Variants in SLC67A2 observed in about 807,000 individuals in gnomAD.
SLC67A2 encodes solute carrier family 67 member 2, also known as solute carrier family 67 member A2.
At chr2:102,726,689 G>A in the SLC67A2 span, among the ~76,000 whole-genome samples, 1 of 151,904 alleles carries the variant, frequency 6.6e-6, no homozygotes, top group Non-Finnish European at 1.5e-5. Context: ...AAGCCTCAGA[G>A]ACTTGCCAGG....
chr2:102,729,819 T>C, the SLC67A2 span, among the ~76,000 whole-genome samples: 6 of 152,226 alleles, frequency 3.9e-5, no homozygotes, highest in African/African-American at 1.4e-4. Flanking sequence ...AAACTATTAT[T>C]GTAATGGAAA....
At chr2:102,727,774 T>C in the SLC67A2 span, among the ~76,000 whole-genome samples, 42 of 152,334 alleles carry the variant, frequency 2.8e-4, 2 homozygotes, top group South Asian at 8.7e-3. Flanking sequence ...TAATCCCATA[T>C]ATACTGTAAT....
At chr2:102,725,294 T>A in the SLC67A2 span, among the ~76,000 whole-genome samples, 1 of 152,118 alleles carries the variant, frequency 6.6e-6, no homozygotes, top group Non-Finnish European at 1.5e-5. Context: ...ACTGTGGAGG[T>A]TACATGGGCA....
chr2:102,727,244 G>C, the SLC67A2 span, among the ~76,000 whole-genome samples: 4 of 151,922 alleles, frequency 2.6e-5, no homozygotes, highest in Non-Finnish European at 5.9e-5. Flanking sequence ...AGGCAGGAGA[G>C]ATGATAAAGT....
the SLC67A2 span, chr2:102,736,602 G>C: frequency 6.2e-7 from 1 of 1,613,312 alleles, no homozygotes; most frequent in South Asian, 1.1e-5. Flanking sequence ...CCCCAGGCCC[G>C]AACACAGTCA....
At chr2:102,727,062 A>G in the SLC67A2 span, 3 of 1,447,940 alleles carry the variant, frequency 2.1e-6, no homozygotes, top group Non-Finnish European at 2.8e-6. Flanking sequence ...ACCAGGGGAA[A>G]ACAATGGAAG....
At chr2:102,727,987 A>T in the SLC67A2 span, among the ~76,000 whole-genome samples, 1 of 152,210 alleles carries the variant, frequency 6.6e-6, no homozygotes, top group East Asian at 1.9e-4. Context: ...TAGAATTCCC[A>T]CATTTGGGAA....
chr2:102,736,046 A>G, the SLC67A2 span, among the ~76,000 whole-genome samples: 1 of 152,142 alleles, frequency 6.6e-6, no homozygotes, highest in South Asian at 2.1e-4. Context: ...GTCTGGTAAA[A>G]AAGCAAACCA....
chr2:102,726,687 G>A, the SLC67A2 span, among the ~76,000 whole-genome samples: 1 of 152,032 alleles, frequency 6.6e-6, no homozygotes, highest in East Asian at 1.9e-4. Flanking sequence ...GGAAGCCTCA[G>A]AGACTTGCCA....
At chr2:102,736,109 G>C in the SLC67A2 span, among the ~76,000 whole-genome samples, 2 of 152,150 alleles carry the variant, frequency 1.3e-5, no homozygotes, top group Admixed American at 6.5e-5. Flanking sequence ...TGCGCAGTTT[G>C]TCGAAAGGCA....
chr2:102,731,199 A>C, the SLC67A2 span: 33 of 600,516 alleles, frequency 5.5e-5, no homozygotes, highest in Middle Eastern at 4.8e-4. Context: ...AAATTATCTC[A>C]CATCTTTTTT....
the SLC67A2 span, among the ~76,000 whole-genome samples, chr2:102,735,234 T>A: frequency 6.6e-6 from 1 of 152,168 alleles, no homozygotes; most frequent in African/African-American, 2.4e-5. Flanking sequence ...GGAGGGTGGA[T>A]CCTGCAATGG....
At chr2:102,736,014 C>T in the SLC67A2 span, among the ~76,000 whole-genome samples, 8 of 152,018 alleles carry the variant, frequency 5.3e-5, no homozygotes, top group Non-Finnish European at 1.2e-4. Context: ...GTGGGGTCAT[C>T]AACAGCGGCT....
chr2:102,719,154 C>G, the SLC67A2 span: 2 of 1,614,132 alleles, frequency 1.2e-6, no homozygotes, highest in African/African-American at 2.7e-5. Flanking sequence ...AATGGCAGGC[C>G]CTTCTCTGTA....
At chr2:102,715,500 G>A in the SLC67A2 span, among the ~76,000 whole-genome samples, 1 of 152,058 alleles carries the variant, frequency 6.6e-6, no homozygotes, top group African/African-American at 2.4e-5. Flanking sequence ...AGCCTTGCAG[G>A]TGACTCCTGT....
At chr2:102,728,748 A>G in the SLC67A2 span, among the ~76,000 whole-genome samples, 2 of 152,148 alleles carry the variant, frequency 1.3e-5, no homozygotes, top group East Asian at 1.9e-4. Flanking sequence ...TCCTTCCACC[A>G]TGACCTCGGA....
chr2:102,721,017 C>A, the SLC67A2 span, among the ~76,000 whole-genome samples: 14 of 152,156 alleles, frequency 9.2e-5, no homozygotes, highest in Non-Finnish European at 1.6e-4. Flanking sequence ...TTGGCCCCAG[C>A]CTGCCTATCC....
At chr2:102,732,205 C>T in the SLC67A2 span, 1 of 927,754 alleles carries the variant, frequency 1.1e-6, no homozygotes. Context: ...TTTGTTTTAT[C>T]TCATTTCCCA....
the SLC67A2 span, among the ~76,000 whole-genome samples, chr2:102,726,133 C>A: frequency 6.6e-6 from 1 of 152,228 alleles, no homozygotes; most frequent in African/African-American, 2.4e-5. Context: ...CTGGAAACAG[C>A]AAACTCGCCC....
Sources: gnomAD v4.1 joint callset for allele counts (sites outside exome capture counted in the v4.1 genomes callset) on GRCh38, gnomAD v4.1.1 for gene constraint, MANE v1.5 for transcripts, NCBI Gene and HGNC (gene_info 2026-07-23, HGNC 2026-07-21) for gene names.